The following MSRB3 variants were observed in gnomAD, a reference collection of about 807,000 sequenced individuals.
MSRB3 encodes the protein methionine-R-sulfoxide reductase B3.
Under a neutral mutation model 21.0 loss-of-function variants are expected in MSRB3, and 13 were observed. The observed-to-expected ratio is 0.62, with a 90% CI of 0.40 to 0.98. The LOEUF is 0.98. MSRB3 is among the 50% of genes least tolerant of loss of function. The probability of loss-of-function intolerance (pLI) is 0.00; values close to 1 mark genes in which losing one functional copy is unlikely to be tolerated. For synonymous variants in MSRB3, 87 were observed against 88.6 expected (o/e 0.98, Z 0.10); for missense variants, 199 against 230.3 (o/e 0.86, Z 0.88).
intron 5 of MSRB3, among the ~76,000 whole-genome samples, chr12:65,440,951 C>G (rs1307031665): frequency 6.6e-6 from 1 of 151,868 alleles, no homozygotes; most frequent in Non-Finnish European, 1.5e-5. Context: ...TGGAGTAAGA[C>G]TTAAATATTA....
intron 5 of MSRB3, among the ~76,000 whole-genome samples, chr12:65,431,516 G>T (rs898189529): frequency 1.3e-5 from 2 of 152,000 alleles, no homozygotes; most frequent in Non-Finnish European, 2.9e-5. Flanking sequence ...AGGAAAAGGG[G>T]ATAGAATTAC....
intron 5 of MSRB3, among the ~76,000 whole-genome samples, chr12:65,447,599 T>C (rs1951006254): frequency 6.6e-6 from 1 of 152,222 alleles, no homozygotes; most frequent in African/African-American, 2.4e-5. Flanking sequence ...TGTTTCTGGA[T>C]ATAGACATGT....
At chr12:65,449,228 G>A (rs1305113273) in intron 5 of MSRB3, among the ~76,000 whole-genome samples, 2 of 148,596 alleles carry the variant, frequency 1.3e-5, no homozygotes, top group South Asian at 2.1e-4. Context: ...TTGTAGAGGC[G>A]GGGTTTCATT....
chr12:65,427,869 C>A (rs1462132581), intron 5 of MSRB3, among the ~76,000 whole-genome samples: 1 of 152,196 alleles, frequency 6.6e-6, no homozygotes, highest in African/African-American at 2.4e-5. Context: ...GAGCTTAACT[C>A]TAGGTTCTGG....
At chr12:65,412,096 C>A (rs972662248) in intron 5 of MSRB3, among the ~76,000 whole-genome samples, 29 of 152,056 alleles carry the variant, frequency 1.9e-4, no homozygotes, top group Non-Finnish European at 2.8e-4. Flanking sequence ...CAATTTCAAG[C>A]CCTTTTTATT....
chr12:65,303,660 C>T (rs888212700), intron 1 of MSRB3, among the ~76,000 whole-genome samples: 5 of 151,902 alleles, frequency 3.3e-5, no homozygotes, highest in South Asian at 2.1e-4. Flanking sequence ...AAATAAATGC[C>T]GGGTACTGGG....
intron 5 of MSRB3, among the ~76,000 whole-genome samples, chr12:65,438,440 C>T (rs11175764): frequency 5.9e-5 from 9 of 151,832 alleles, no homozygotes; most frequent in Admixed American, 4.6e-4. Flanking sequence ...AGTCTACAGA[C>T]TGAATAGGCT....
chr12:65,438,700 G>A (rs1303904011), intron 5 of MSRB3, among the ~76,000 whole-genome samples: 2 of 151,778 alleles, frequency 1.3e-5, no homozygotes, highest in Non-Finnish European at 2.9e-5. Context: ...ATTTTACTTG[G>A]GTGGGAGGAA....
At chr12:65,282,650 T>G (rs1168685051) in intron 1 of MSRB3, among the ~76,000 whole-genome samples, 3 of 151,710 alleles carry the variant, frequency 2.0e-5, no homozygotes, top group African/African-American at 4.8e-5. Context: ...GTCTCTAGTT[T>G]GCTTCACTGT....
chr12:65,296,971 T>A (rs1339869075), intron 1 of MSRB3, among the ~76,000 whole-genome samples: 1 of 152,172 alleles, frequency 6.6e-6, no homozygotes, highest in Non-Finnish European at 1.5e-5. Context: ...GTAAATAATA[T>A]TCTGCCCAGA....
chr12:65,300,995 G>T (rs1031094681), intron 1 of MSRB3, among the ~76,000 whole-genome samples: 1 of 152,134 alleles, frequency 6.6e-6, no homozygotes, highest in African/African-American at 2.4e-5. Context: ...CTGGAAAATG[G>T]AGAGCCAGAA....
At chr12:65,283,832 G>A (rs1055404037) in intron 1 of MSRB3, 3 of 152,172 alleles carry the variant, frequency 2.0e-5, no homozygotes, top group Non-Finnish European at 4.4e-5. Context: ...GCTTGCTGCT[G>A]TCTTCTTTTG....
At chr12:65,460,367 G>A (rs1295869518) in intron 6 of MSRB3, among the ~76,000 whole-genome samples, 2 of 152,032 alleles carry the variant, frequency 1.3e-5, no homozygotes, top group African/African-American at 2.4e-5. Flanking sequence ...AGGCTTGTGC[G>A]CTTTTCAAAG....
intron 4 of MSRB3, among the ~76,000 whole-genome samples, chr12:65,365,355 C>A (rs1206729538): frequency 1.3e-5 from 2 of 152,046 alleles, no homozygotes; most frequent in African/African-American, 4.8e-5. Context: ...AAGAAAGGAG[C>A]TTGTGAGGCA....
intron 5 of MSRB3, among the ~76,000 whole-genome samples, chr12:65,425,480 T>C (rs1165326746): frequency 3.9e-5 from 6 of 152,104 alleles, no homozygotes; most frequent in African/African-American, 1.2e-4. Flanking sequence ...TCTCTAGTGG[T>C]ATTTTTGATT....
intron 5 of MSRB3, among the ~76,000 whole-genome samples, chr12:65,377,736 G>A (rs1878710186): frequency 6.6e-6 from 1 of 152,166 alleles, no homozygotes; most frequent in Non-Finnish European, 1.5e-5. Context: ...ATAGTGTTGG[G>A]TTGCTGCTGG....
chr12:65,286,911 C>T (rs1468408684), intron 1 of MSRB3, among the ~76,000 whole-genome samples: 1 of 149,812 alleles, frequency 6.7e-6, no homozygotes, highest in Admixed American at 6.6e-5. Context: ...GTCCCACCTC[C>T]TCTGGAGGCT....
intron 5 of MSRB3, among the ~76,000 whole-genome samples, chr12:65,388,627 T>C (rs931244723): frequency 6.6e-6 from 1 of 152,114 alleles, no homozygotes; most frequent in Non-Finnish European, 1.5e-5. Flanking sequence ...TCCTAGCACT[T>C]TGGGGGCCTG....
At chr12:65,393,358 G>C (rs889568567) in intron 5 of MSRB3, among the ~76,000 whole-genome samples, 1 of 152,096 alleles carries the variant, frequency 6.6e-6, no homozygotes, top group South Asian at 2.1e-4. Context: ...TGCTAGCCGG[G>C]TGCAGTGGCT....
Sources: gnomAD v4.1 joint callset for allele counts (sites outside exome capture counted in the v4.1 genomes callset) on GRCh38, gnomAD v4.1.1 for gene constraint, MANE v1.5 for transcripts, NCBI Gene and HGNC (gene_info 2026-07-23, HGNC 2026-07-21) for gene names.